GALNT12: variants seen among roughly 807,000 people sequenced by gnomAD.
GALNT12 encodes polypeptide N-acetylgalactosaminyltransferase 12, also known as UDP-GalNAc:polypeptide N-acetylgalactosaminyltransferase 12.
A neutral mutation model predicts 55.5 loss-of-function variants in GALNT12; 45 were observed. The ratio of observed to expected loss-of-function variants is 0.81; its 90% CI spans 0.64 to 1.04. GALNT12 has a LOEUF of 1.04. Ranked by LOEUF, GALNT12 falls within the 50% of genes least tolerant of loss-of-function variation. The pLI, the probability that GALNT12 is intolerant of heterozygous loss-of-function variation, is 0.00. For missense variants in GALNT12, 709 were observed against 754.8 expected, an observed-to-expected ratio of 0.94 and a Z score of 0.71; for synonymous variants, 304 against 312.2, an observed-to-expected ratio of 0.97 and a Z score of 0.28.
At chr9:98,838,331 C>T (rs1836205733) in intron 6 of GALNT12, among the ~76,000 whole-genome samples, 2 of 152,334 alleles carry the variant, frequency 1.3e-5, no homozygotes, top group East Asian at 1.9e-4. Context: ...TATCTTCCTC[C>T]CCACTCAGAG....
At chr9:98,815,316 A>C (rs1835587105) in intron 1 of GALNT12, among the ~76,000 whole-genome samples, 1 of 152,368 alleles carries the variant, frequency 6.6e-6, no homozygotes, top group African/African-American at 2.4e-5. Flanking sequence ...TTTATTATAC[A>C]GTAGATTTGT....
intron 1 of GALNT12, among the ~76,000 whole-genome samples, chr9:98,820,419 C>A (rs1377267035): frequency 6.6e-6 from 1 of 152,222 alleles, no homozygotes; most frequent in Non-Finnish European, 1.5e-5. Flanking sequence ...TTGCAAAGGA[C>A]ATAATCTCAT....
chr9:98,835,568 G>T (rs1274945082), intron 5 of GALNT12, among the ~76,000 whole-genome samples: 1 of 152,188 alleles, frequency 6.6e-6, no homozygotes, highest in Non-Finnish European at 1.5e-5. Flanking sequence ...GAGTCACATA[G>T]TTCTCTCTCA....
chr9:98,826,785 C>G lies in GALNT12; in HGVS notation c.575C>G (p.Ser192Trp). ...HLKERLANEL[S>W]GLPKVRLIRA... is the part of the protein sequence containing the mutation. ...AAGGAGCGCTTGGCCAATGAGCTTTCGGGACTGCCCAAGGTGCGCCTGATC... is the reference window on the plus strand; with the variant it reads ...AAGGAGCGCTTGGCCAATGAGCTTTGGGGACTGCCCAAGGTGCGCCTGATC... Residue 192 changes from serine (S) to tryptophan (W), a missense_variant, in exon 3 of 10, where the codon TCG (serine) becomes TGG (tryptophan). Ser to Trp is a radical substitution (Grantham distance 177). This residue lies in a region of GALNT12 where 315 missense variants were observed against 288.6 expected (regional missense o/e 1.09). Transcript: ENST00000375011. 6.2e-7 allele frequency: 1 copy of G among 1,611,800 alleles called. No homozygotes were observed. Among genetic ancestry groups the G allele is most frequent in the South Asian group, 1.1e-5 (1 of 90,720 alleles).
intron 6 of GALNT12, among the ~76,000 whole-genome samples, chr9:98,839,360 C>T (rs957837989): frequency 2.6e-5 from 4 of 152,212 alleles, no homozygotes; most frequent in African/African-American, 4.8e-5. Flanking sequence ...AGTGCAGGTA[C>T]GGTAATATTT....
rs140685892 is a variant in GALNT12 at position 98,836,686 on chromosome 9, C to T, written c.1036-286C>T. ...CTGTAATGAGTAAGTGGGTTGCCAG[C>T]GAGGTCTCTGTGGATGCTCCTGTGA... On this transcript the variant is annotated intron_variant, in intron 5 of 9. Transcript: ENST00000375011. 1.1e-4 allele frequency among the ~76,000 whole-genome samples: 17 copies of T among 152,240 alleles called. No homozygotes were observed. In the East Asian group the frequency reaches 3.1e-3, roughly 28 times the overall value.
chr9:98,819,753 T>C (rs1436095815), intron 1 of GALNT12, among the ~76,000 whole-genome samples: 1 of 151,840 alleles, frequency 6.6e-6, no homozygotes, highest in Non-Finnish European at 1.5e-5. Context: ...TGGGGAGATG[T>C]GATACAGGGA....
At chr9:98,834,590 T>C (rs555138783) in intron 4 of GALNT12, among the ~76,000 whole-genome samples, 1 of 152,332 alleles carries the variant, frequency 6.6e-6, no homozygotes, top group South Asian at 2.1e-4. Flanking sequence ...AAAAGCAGCC[T>C]GAGGCTGGCT....
chr9:98,817,556 C>G (rs540491535), intron 1 of GALNT12, among the ~76,000 whole-genome samples: 2 of 152,154 alleles, frequency 1.3e-5, no homozygotes, highest in African/African-American at 4.8e-5. Context: ...CTCCGCCTCC[C>G]AGGTTCAAGT....
In GALNT12 at chr9:98,837,017, GT is replaced by G; in HGVS notation, c.1083del (p.Gly362AlafsTer49). On this transcript the variant is annotated frameshift_variant, in exon 6 of 10. Coordinates refer to ENST00000375011, the MANE Select transcript of GALNT12 (RefSeq NM_024642.5). LOFTEE classifies it high-confidence loss of function. The part of the protein sequence containing the change: ...GVLETHPCSH[V>X]GHVFPKQAPY... ...TCTGGAAACACACCCATGTTCCCAT[GT>G]TGGCCATGTTTTCCCCAAGCAAGCT... The G allele has an allele frequency of 1.2e-6, 2 of 1,614,158 alleles. No individual in the cohort carries two copies. The highest frequency in any genetic ancestry group is 1.7e-6 in the Non-Finnish European group (2 of 1,180,032).
chr9:98,835,932 C>T (rs1035027385), intron 5 of GALNT12, among the ~76,000 whole-genome samples: 4 of 152,148 alleles, frequency 2.6e-5, no homozygotes, highest in Non-Finnish European at 4.4e-5. Flanking sequence ...GACGAGGTTT[C>T]ACCATGTCAT....
At chr9:98,840,207 A>C in intron 7 of GALNT12, 74 bp downstream of exon 7, 1 of 1,590,038 alleles carries the variant, frequency 6.3e-7, no homozygotes, top group East Asian at 2.2e-5. Context: ...AATCCTGGGC[A>C]AGAAAGGCCA....
At chr9:98,838,757 G>A (rs1836216365) in intron 6 of GALNT12, among the ~76,000 whole-genome samples, 1 of 152,192 alleles carries the variant, frequency 6.6e-6, no homozygotes, top group Non-Finnish European at 1.5e-5. Context: ...CTTGCTCTAA[G>A]GCTTCTCATC....
rs1588452482 is a variant in GALNT12 at position 98,835,309 on chromosome 9, G to T, written c.978G>T (p.Gly326=). 1 of 1,614,080 alleles carries T rather than the reference G, an allele frequency of 6.2e-7. No homozygotes were observed. The highest frequency in any genetic ancestry group is 8.5e-7 in the Non-Finnish European group (1 of 1,179,948). The change falls in exon 5 of 10, where the codon GGG becomes GGT. Residue 326 remains glycine, a synonymous_variant. Coordinates refer to ENST00000375011, the MANE Select transcript of GALNT12 (RefSeq NM_024642.5). The part of the protein sequence containing the change: ...AVSKKYFEYL[G]SYDTGMEVWG... ...GTAAGAAATATTTTGAATATCTGGG[G>T]TCTTATGATACAGGAATGGAAGTTT...
rs375459562 is a variant in GALNT12 at position 98,848,969 on chromosome 9, C to T, written c.1623C>T (p.His541=). 5.0e-6 allele frequency: 8 copies of T among 1,614,086 alleles called. No individual in the cohort carries two copies. In the Admixed American group the frequency reaches 5.0e-5, roughly 10 times the overall value. Residue 541 remains histidine (H), a synonymous_variant, in exon 10 of 10, where the codon CAC becomes CAT. Coordinates refer to ENST00000375011, the MANE Select transcript of GALNT12 (RefSeq NM_024642.5). ...FILQEDGSLF[H]EQSKKCVQAA... ...TTTTGTAGGATGGATCTTTATTTCA[C>T]GAACAGTCCAAGAAATGTGTCCAGG...
At chr9:98,842,114 T>A (rs1297507820) in intron 7 of GALNT12, among the ~76,000 whole-genome samples, 1 of 152,086 alleles carries the variant, frequency 6.6e-6, no homozygotes, top group African/African-American at 2.4e-5. Flanking sequence ...TGGCTTTTTC[T>A]CTTCTTGAGT....
intron 1 of GALNT12, among the ~76,000 whole-genome samples, chr9:98,819,596 G>C (rs147342281): frequency 6.6e-6 from 1 of 152,202 alleles, no homozygotes; most frequent in African/African-American, 2.4e-5. Flanking sequence ...AGCAGAGCAA[G>C]GCCACTGCCA....
chr9:98,828,910 AC>A (rs1444376511), intron 3 of GALNT12, among the ~76,000 whole-genome samples: 6 of 151,780 alleles, frequency 4.0e-5, no homozygotes, highest in African/African-American at 1.5e-4. Flanking sequence ...GCTCACTGCA[AC>A]CTCCGCCTCC....
At chr9:98,832,068 TCC>T (rs1836013082) in intron 4 of GALNT12, 111 bp downstream of exon 4, 4 of 866,618 alleles carry the variant, frequency 4.6e-6, no homozygotes, top group Non-Finnish European at 7.6e-6. Flanking sequence ...CTTAACTACC[TCC>T]CCTCTTCCCA....
Sources: gnomAD v4.1 joint callset for allele counts (sites outside exome capture counted in the v4.1 genomes callset) on GRCh38, gnomAD v4.1.1 for gene constraint, gnomAD v4.1.1 regional missense constraint, MANE v1.5 for transcripts, NCBI Gene and HGNC (gene_info 2026-07-23, HGNC 2026-07-21) for gene names.